DOK7: variants seen among roughly 807,000 people sequenced by gnomAD.
The protein encoded by DOK7 is protein Dok-7.
Under a neutral mutation model 30.7 loss-of-function variants are expected in DOK7, and 32 were observed. That is an observed-to-expected ratio of 1.04 (90% confidence interval 0.79 to 1.40). The LOEUF is 1.40. DOK7 is among the 40% of genes most tolerant of loss of function. The probability of loss-of-function intolerance (pLI) is 0.00; values close to 1 mark genes in which losing one functional copy is unlikely to be tolerated. For missense variants in DOK7, 1,007 were observed against 699.2 expected (o/e 1.44, Z -4.97); for synonymous variants, 447 against 324.1 (o/e 1.38, Z -4.07).
intron 4 of DOK7, among the ~76,000 whole-genome samples, chr4:3,483,993 C>T (rs1006459586): frequency 6.6e-6 from 1 of 152,236 alleles, no homozygotes; most frequent in African/African-American, 2.4e-5. Flanking sequence ...CCCCTCCATG[C>T]CCACCTCCAA....
chr4:3,490,334 T>G (rs1220091819), intron 6 of DOK7, among the ~76,000 whole-genome samples: 2 of 106,862 alleles, frequency 1.9e-5, no homozygotes, highest in Non-Finnish European at 3.8e-5. Flanking sequence ...TTACCTCCAT[T>G]CATTCCTTCC....
chr4:3,473,316 G>A, intron 2 of DOK7, 90 bp from the exon 3 acceptor site: 1 of 1,332,040 alleles, frequency 7.5e-7, no homozygotes, highest in Non-Finnish European at 1.0e-6. Context: ...CCCCAGCCCG[G>A]GTCTCTGCAC....
downstream of DOK7, chr4:3,496,950 A>G: frequency 3.8e-5 from 3 of 79,232 alleles, no homozygotes; most frequent in South Asian, 1.1e-4. Context: ...GTTTGACTAG[A>G]TGGGGAGGGG....
In DOK7 at chr4:3,463,582, CG is replaced by C. The variant is rs566267525; in HGVS notation, c.100+36del. 4,574 of 1,016,136 alleles carry C rather than the reference CG, an allele frequency of 4.5e-3. 154 individuals are homozygous for C. In the African/African-American group the frequency reaches 0.068, roughly 15 times the overall value. 62.9% of individuals were successfully genotyped at this position (1,016,136 alleles called of 1,614,324 possible). A position where few individuals can be genotyped will look rare whatever the true frequency, so the allele number is the denominator to read the frequency against. On this transcript the variant is annotated intron_variant, in intron 2 of 6. Transcript: ENST00000340083. ...CGGGGCGGGCGGGGGACGGGGGGCG[CG>C]GGGGTAGCGACACGGGTTACCGAGG...
chr4:3,477,762 C>A (rs1016646438), intron 4 of DOK7, among the ~76,000 whole-genome samples: 2 of 151,660 alleles, frequency 1.3e-5, no homozygotes, highest in Non-Finnish European at 2.9e-5. Flanking sequence ...GGGCCTTGGC[C>A]CCTCTGGGAT....
At chr4:3,490,677 CCGCAT>C (rs1728293556) in intron 6 of DOK7, among the ~76,000 whole-genome samples, 2 of 71,416 alleles carry the variant, frequency 2.8e-5, no homozygotes, top group Admixed American at 1.9e-4. Flanking sequence ...CCTCCCTTCC[CCGCAT>C]TCCTTCCTTC....
intron 2 of DOK7, among the ~76,000 whole-genome samples, chr4:3,464,523 G>A (rs1726166091): frequency 1.3e-5 from 2 of 152,236 alleles, no homozygotes; most frequent in Non-Finnish European, 2.9e-5. Flanking sequence ...GTCCTCCGGG[G>A]CTGCAGGGGA....
downstream of DOK7, chr4:3,494,487 C>T: frequency 1.0e-6 from 1 of 985,508 alleles, no homozygotes; most frequent in Non-Finnish European, 1.2e-6. Flanking sequence ...TCCTTACCAC[C>T]TTGTCCTAGT....
chr4:3,473,423 G>T lies in DOK7; in HGVS notation c.118G>T (p.Val40Phe). ...SPVADCLLML[V>F]YKDKSERIKG... ...CCTTGCAGACTGCCTGCTGATGCTG[G>T]TCTACAAGGACAAGTCGGAGCGTAT... The change falls in exon 3 of 7, where the codon GTC (valine) becomes TTC (phenylalanine). Residue 40 changes from valine to phenylalanine, a missense_variant. By Grantham distance (50) the Val-to-Phe change is conservative (BLOSUM62 -1). Transcript: ENST00000340083. The T allele has an allele frequency of 6.2e-7, 1 of 1,610,942 alleles. No individual in the cohort carries two copies. Among genetic ancestry groups the T allele is most frequent in the Non-Finnish European group, 8.5e-7 (1 of 1,179,808 alleles).
At chr4:3,465,203 AG>A (rs1726200138) in intron 2 of DOK7, among the ~76,000 whole-genome samples, 2 of 152,268 alleles carry the variant, frequency 1.3e-5, no homozygotes, top group African/African-American at 4.8e-5. Flanking sequence ...CGGTCAGATG[AG>A]GGGATGGGAC....
downstream of DOK7, among the ~76,000 whole-genome samples, chr4:3,498,081 G>C (rs1386303385): frequency 6.6e-6 from 1 of 152,184 alleles, no homozygotes; most frequent in East Asian, 1.9e-4. Context: ...TCATGGGACA[G>C]AGATGAGCCA....
In DOK7 at chr4:3,493,867, T is replaced by G; in HGVS notation, c.*366T>G. On this transcript the variant is annotated 3_prime_UTR_variant, in exon 7 of 7. Coordinates refer to ENST00000340083, the MANE Select transcript of DOK7 (RefSeq NM_173660.5). The stretch of plus-strand genomic sequence containing the variant: ...GGAGGCCCTGCCGCTGGCCTTGTCC[T>G]CCTTGGGCCTCACGCCCCCTTCGGG... 8.8e-7 allele frequency: 1 copy of G among 1,132,848 alleles called. No individual in the cohort carries two copies. The highest frequency in any genetic ancestry group is 5.6e-5 in the East Asian group (1 of 17,796). 70.2% of individuals were successfully genotyped at this position (1,132,848 alleles called of 1,614,324 possible).
chr4:3,481,553 A>C (rs1015808176), intron 4 of DOK7, among the ~76,000 whole-genome samples: 14 of 152,198 alleles, frequency 9.2e-5, no homozygotes, highest in African/African-American at 3.4e-4. Flanking sequence ...CCCGAGACCC[A>C]CTAGGTGGGG....
intron 2 of DOK7, among the ~76,000 whole-genome samples, chr4:3,469,241 G>T (rs1373073742): frequency 6.6e-6 from 1 of 152,040 alleles, no homozygotes; most frequent in Non-Finnish European, 1.5e-5. Context: ...GTGCCTGCTT[G>T]TTCCACATGG....
At chr4:3,489,106 T>G (rs1317683809) in intron 5 of DOK7, among the ~76,000 whole-genome samples, 1 of 152,092 alleles carries the variant, frequency 6.6e-6, no homozygotes, top group African/African-American at 2.4e-5. Context: ...TGGTGCTCCC[T>G]GGATGCAGCC....
chr4:3,482,923 A>G (rs1292303888), intron 4 of DOK7, among the ~76,000 whole-genome samples: 2 of 152,076 alleles, frequency 1.3e-5, no homozygotes, highest in Non-Finnish European at 2.9e-5. Flanking sequence ...TGAACCCCAG[A>G]GGAGGCGTCC....
At chr4:3,500,534 A>C (rs1260840032) in intron 7 of DOK7, 1 of 1,471,996 alleles carries the variant, frequency 6.8e-7, no homozygotes, top group East Asian at 2.5e-5. Flanking sequence ...CCCAGGAGGC[A>C]AATGTCCCCA....
chr4:3,496,694 C>A, downstream of DOK7: 1 of 1,013,508 alleles, frequency 9.9e-7, no homozygotes. Context: ...GGACTCCCTG[C>A]AGGTGACCCA....
intron 4 of DOK7, among the ~76,000 whole-genome samples, chr4:3,478,617 T>G (rs934974655): frequency 1.3e-5 from 1 of 77,332 alleles, no homozygotes; most frequent in Non-Finnish European, 2.5e-5. Context: ...AGAACCCGCC[T>G]TTGCAGCTCA....
Sources: allele counts gnomAD v4.1 joint callset (sites outside exome capture counted in the v4.1 genomes callset), GRCh38; gene constraint gnomAD v4.1.1; transcripts MANE v1.5; gene names NCBI Gene and HGNC (gene_info 2026-07-23, HGNC 2026-07-21).